Variants in ULK2 observed in about 807,000 individuals in gnomAD.
ULK2 encodes the protein serine/threonine-protein kinase ULK2.
A neutral mutation model predicts 127.5 loss-of-function variants in ULK2; 76 were observed. The observed-to-expected ratio is 0.60, with a 90% CI of 0.50 to 0.72. ULK2 has a LOEUF of 0.72. ULK2 is among the 30% of genes least tolerant of loss of function. The probability of loss-of-function intolerance (pLI) is 0.00; values close to 1 mark genes in which losing one functional copy is unlikely to be tolerated. For synonymous variants in ULK2, 452 were observed against 461.9 expected, an observed-to-expected ratio of 0.98 and a Z score of 0.28; for missense variants, 1,144 against 1,295.9, an observed-to-expected ratio of 0.88 and a Z score of 1.80.
chr17:19,825,311 C>T (rs2041260792), intron 11 of ULK2, 129 bp from the exon 12 acceptor site: 1 of 686,490 alleles, frequency 1.5e-6, no homozygotes, highest in African/African-American at 1.8e-5. Context: ...TATTTATTAC[C>T]ACATCTGCTG....
intron 3 of ULK2, among the ~76,000 whole-genome samples, chr17:19,861,584 A>C (rs1172406731): frequency 6.6e-6 from 1 of 152,226 alleles, no homozygotes; most frequent in Non-Finnish European, 1.5e-5. Flanking sequence ...TACTTTCAAA[A>C]CAAAACCTAC....
At chr17:19,844,085 T>C (rs372024470) in intron 7 of ULK2, among the ~76,000 whole-genome samples, 2 of 152,186 alleles carry the variant, frequency 1.3e-5, no homozygotes, top group Non-Finnish European at 2.9e-5. Context: ...TGAATACTTT[T>C]ATAGTAATAG....
In ULK2 at chr17:19,867,373, C is replaced by T; in HGVS notation, c.45G>A (p.Val15=). 6.2e-7 allele frequency: 1 copy of T among 1,603,602 alleles called. No homozygotes were observed. The highest frequency in any genetic ancestry group is 1.1e-5 in the South Asian group (1 of 89,920). Residue 15 remains valine, a synonymous_variant, in exon 1 of 27, where the codon GTG becomes GTA. Transcript: ENST00000395544. ...GDFEYSKRDL[V]GHGAFAVVFR... Reference sequence around the variant, plus strand: ...AGACCACGGCGAAGGCCCCGTGTCCCACGAGATCCCTCTTGCTGTACTCGA... The same window carrying T: ...AGACCACGGCGAAGGCCCCGTGTCCTACGAGATCCCTCTTGCTGTACTCGA...
intron 16 of ULK2, among the ~76,000 whole-genome samples, chr17:19,799,926 GC>G (rs2087360683): frequency 6.6e-6 from 1 of 152,212 alleles, no homozygotes; most frequent in Middle Eastern, 3.2e-3. Context: ...CTAACAGAGA[GC>G]CCCAGCTGCA....
At position 19,818,188 on chromosome 17, in the gene ULK2, C is replaced by T. The variant is rs138902980; in HGVS notation, c.925-1268G>A. Among the ~76,000 whole-genome samples, 728 of 152,044 alleles carry T rather than the reference C, an allele frequency of 4.8e-3. 3 individuals carry two copies. Among genetic ancestry groups the T allele is most frequent in the African/African-American group, 0.017 (699 of 41,498 alleles). ...AATACAAAAAATTAGCCGGGCATGA[C>T]GGCGGGCGCCTGTAGTCCCAGCTAC... On this transcript the variant is annotated intron_variant, in intron 12 of 26. Transcript: ENST00000395544.
At chr17:19,807,651 C>T (rs1468365012) in intron 14 of ULK2, among the ~76,000 whole-genome samples, 1 of 151,852 alleles carries the variant, frequency 6.6e-6, no homozygotes, top group Non-Finnish European at 1.5e-5. Flanking sequence ...CCAAAGATGA[C>T]TCAAGAAGAA....
At chr17:19,853,319 C>G (rs9910607) in intron 3 of ULK2, among the ~76,000 whole-genome samples, 4,662 of 151,150 alleles carry the variant, frequency 0.031, 224 homozygotes, top group African/African-American at 0.11. Flanking sequence ...TGTATTTTTT[C>G]TAGAGACGGG....
rs1212465951 is a variant in ULK2 at position 19,822,384 on chromosome 17, TAG to T, written c.924+2708_924+2709del. Among the ~76,000 whole-genome samples the T allele has an allele frequency of 2.6e-5, 4 of 151,772 alleles. No individual in the cohort carries two copies. In the East Asian group the frequency reaches 5.8e-4, roughly 22 times the overall value. On this transcript the variant is annotated intron_variant, in intron 12 of 26. Coordinates refer to ENST00000395544, the MANE Select transcript of ULK2 (RefSeq NM_014683.4). Reference sequence around the variant, plus strand: ...TTTTATTTTATTTTTTTTTTTGAGATAGAGTCTCGCTCTGTTACCTACGCTGG... The same window carrying T: ...TTTTATTTTATTTTTTTTTTTGAGATAGTCTCGCTCTGTTACCTACGCTGG...
chr17:19,795,872 C>T (rs986346649), intron 19 of ULK2, 147 bp from the exon 20 acceptor site: 8 of 941,784 alleles, frequency 8.5e-6, no homozygotes, highest in Non-Finnish European at 1.3e-5. Context: ...AAATAAAGGA[C>T]AGAAATAGAA....
At chr17:19,839,468 C>G (rs754222892) in intron 9 of ULK2, among the ~76,000 whole-genome samples, 7 of 151,974 alleles carry the variant, frequency 4.6e-5, no homozygotes, top group Admixed American at 1.3e-4. Flanking sequence ...AGTTCAAGAC[C>G]AGCCTGAACA....
intron 14 of ULK2, 91 bp from the exon 15 acceptor site, chr17:19,804,921 CAGAA>C: frequency 2.3e-5 from 33 of 1,432,814 alleles, no homozygotes; most frequent in Non-Finnish European, 2.9e-5. Context: ...GAGAAAATTC[CAGAA>C]AGAGCCAAAT....
At chr17:19,830,928 G>A (rs2041424252) in intron 10 of ULK2, among the ~76,000 whole-genome samples, 1 of 151,716 alleles carries the variant, frequency 6.6e-6, no homozygotes, top group Non-Finnish European at 1.5e-5. Flanking sequence ...TCAGGAGCCT[G>A]AGACAGGAGA....
chr17:19,821,004 A>G (rs1391767979), intron 12 of ULK2, among the ~76,000 whole-genome samples: 2 of 152,200 alleles, frequency 1.3e-5, no homozygotes, highest in African/African-American at 2.4e-5. Context: ...TATTCGATAA[A>G]TGTTATAAAA....
At chr17:19,863,556 T>C (rs1431122140) in intron 3 of ULK2, among the ~76,000 whole-genome samples, 3 of 151,242 alleles carry the variant, frequency 2.0e-5, no homozygotes, top group Non-Finnish European at 4.4e-5. Context: ...AGGACTTCAG[T>C]GGCAGGATCA....
chr17:19,847,407 A>G (rs2041909142), intron 5 of ULK2, among the ~76,000 whole-genome samples: 1 of 152,186 alleles, frequency 6.6e-6, no homozygotes, highest in Non-Finnish European at 1.5e-5. Context: ...GTGTTCCTGC[A>G]TCTACTCTGT....
intron 10 of ULK2, among the ~76,000 whole-genome samples, chr17:19,828,332 A>G (rs1485197596): frequency 1.3e-5 from 2 of 152,228 alleles, no homozygotes; most frequent in African/African-American, 4.8e-5. Flanking sequence ...AGATCTCCGG[A>G]AAAGATAAAT....
Position 19,845,292 on chromosome 17 carries a change from A to G in ULK2, c.543+12T>C. The G allele has an allele frequency of 6.2e-7, 1 of 1,610,828 alleles. No homozygotes were observed. Among genetic ancestry groups the G allele is most frequent in the Non-Finnish European group, 8.5e-7 (1 of 1,177,440 alleles). The stretch of plus-strand genomic sequence containing the variant: ...ATGCTTTAAACACACAAGGATGCAA[A>G]CACTCACTCACCATGTACATCGGGG... On this transcript the variant is annotated intron_variant, in intron 7 of 26. Coordinates refer to ENST00000395544, the MANE Select transcript of ULK2 (RefSeq NM_014683.4).
intron 10 of ULK2, 85 bp downstream of exon 10, chr17:19,838,416 T>C (rs1465278482): frequency 1.6e-6 from 2 of 1,228,056 alleles, no homozygotes; most frequent in Non-Finnish European, 2.3e-6. Context: ...CTGACTTTAA[T>C]TTTCTGAAAT....
chr17:19,784,284 T>C (rs1885847092), intron 21 of ULK2, among the ~76,000 whole-genome samples: 1 of 152,016 alleles, frequency 6.6e-6, no homozygotes, highest in Admixed American at 6.6e-5. Flanking sequence ...ATACTATTTC[T>C]GATTTTATTC....
Sources: gnomAD v4.1 joint callset for allele counts (sites outside exome capture counted in the v4.1 genomes callset) on GRCh38, gnomAD v4.1.1 for gene constraint, MANE v1.5 for transcripts, NCBI Gene and HGNC (gene_info 2026-07-23, HGNC 2026-07-21) for gene names.